FAM161A: variants seen among roughly 807,000 people sequenced by gnomAD.
The protein encoded by FAM161A is protein FAM161A.
A neutral mutation model predicts 70.9 loss-of-function variants in FAM161A; 57 were observed. The ratio of observed to expected loss-of-function variants is 0.80; its 90% CI spans 0.65 to 1.00. The LOEUF (loss-of-function observed/expected upper bound fraction) is 1.00. FAM161A is among the 50% of genes least tolerant of loss of function. The probability of loss-of-function intolerance (pLI) is 0.00; values close to 1 mark genes in which losing one functional copy is unlikely to be tolerated. For missense variants in FAM161A, 880 were observed against 836.0 expected (o/e 1.05, Z -0.65); for synonymous variants, 299 against 295.7 (o/e 1.01, Z -0.12).
Position 61,840,478 on chromosome 2 carries a change from C to T in FAM161A, c.526G>A (p.Glu176Lys). The T allele has an allele frequency of 6.2e-7, 1 of 1,614,060 alleles. No homozygotes were observed. Among genetic ancestry groups the T allele is most frequent in the Non-Finnish European group, 8.5e-7 (1 of 1,179,970 alleles). Reference protein sequence around the residue: ...SSSLYVSSSEEELPNLEKEYP... With the variant: ...SSSLYVSSSEKELPNLEKEYP... ...TCTTTTTCTAGGTTGGGTAACTCCT[C>T]TTCAGAGGAGGACACATACAAGGAG... Residue 176 changes from glutamate to lysine, a missense_variant, in exon 3 of 7, where the codon GAG becomes AAG. By Grantham distance (56) the Glu-to-Lys change is moderately conservative. Transcript: ENST00000404929.
chr2:61,811,073 A>T, the FAM161A span, among the ~76,000 whole-genome samples: 1 of 151,972 alleles, frequency 6.6e-6, no homozygotes, highest in Non-Finnish European at 1.5e-5. Context: ...TACACTCCAC[A>T]TTCAAATCCT....
rs184398136 is a variant in FAM161A, at chr2:61,837,178, T to C, written c.1752-1069A>G. Among the ~76,000 whole-genome samples the C allele has an allele frequency of 2.3e-3, 346 of 152,206 alleles. 1 individual carries two copies. Among genetic ancestry groups the C allele is most frequent in the African/African-American group, 8.0e-3 (332 of 41,536 alleles). On this transcript the variant is annotated intron_variant, in intron 4 of 6. Transcript: ENST00000404929. The stretch of plus-strand genomic sequence containing the variant: ...CCATGGCATCCAGCCTTTGCTGTTA[T>C]TTTTTTCCCCTAAATAAGATCTCCT...
In FAM161A at chr2:61,836,103, GCT is replaced by G. The variant is rs1672765457; in HGVS notation, c.1756_1757del (p.Ser586ArgfsTer27). On this transcript the variant is annotated frameshift_variant, in exon 5 of 7. Transcript: ENST00000404929. LOFTEE classifies it high-confidence loss of function. ...SKSRVKCLRK[S>X]EKERMREYQR... ...GGTATTCTCTCATCCTTTCCTTTTC[GCT>G]CTTTCTAAAATTAAAGAAAAGCAAT... 3 of 1,598,764 alleles carry G rather than the reference GCT, an allele frequency of 1.9e-6. No homozygotes were observed. Among genetic ancestry groups the G allele is most frequent in the Non-Finnish European group, 2.6e-6 (3 of 1,172,200 alleles).
intron 5 of FAM161A, among the ~76,000 whole-genome samples, chr2:61,830,045 A>G (rs900670615): frequency 6.6e-6 from 1 of 152,130 alleles, no homozygotes; most frequent in Admixed American, 6.5e-5. Flanking sequence ...GAAGTTAATG[A>G]GAAGACCCCT....
At chr2:61,804,567 C>G in the FAM161A span, among the ~76,000 whole-genome samples, 2 of 151,686 alleles carry the variant, frequency 1.3e-5, no homozygotes, top group African/African-American at 4.8e-5. Flanking sequence ...CACCTGTAAT[C>G]CCAACTACAT....
intron 3 of FAM161A, 149 bp from the exon 4 acceptor site, chr2:61,838,854 A>ATATT (rs10645430): frequency 0.17 from 26,196 of 150,878 alleles, 3,042 homozygotes; most frequent in Admixed American, 0.32. Context: ...AAAACTAGAA[A>ATATT]TATTTATTTA....
At chr2:61,842,770 A>G (rs1027761625) in intron 1 of FAM161A, among the ~76,000 whole-genome samples, 9 of 152,212 alleles carry the variant, frequency 5.9e-5, no homozygotes, top group East Asian at 1.9e-4. Flanking sequence ...CCACAGCCCA[A>G]TGCTCTCCCT....
the FAM161A span, among the ~76,000 whole-genome samples, chr2:61,816,256 T>C: frequency 6.6e-6 from 1 of 152,048 alleles, no homozygotes; most frequent in Non-Finnish European, 1.5e-5. Flanking sequence ...TGAACACACT[T>C]TTTTCACTTT....
chr2:61,850,098 G>C (rs1197643495), intron 1 of FAM161A, among the ~76,000 whole-genome samples: 1 of 151,980 alleles, frequency 6.6e-6, no homozygotes. Context: ...AAAATAACAG[G>C]TGAATTTAAA....
At chr2:61,810,555 T>C in the FAM161A span, among the ~76,000 whole-genome samples, 1,192 of 146,856 alleles carry the variant, frequency 8.1e-3, 13 homozygotes, top group African/African-American at 0.028. Context: ...GCCTTCTGGG[T>C]TCAAGCAATT....
chr2:61,845,583 G>A (rs1673174938), intron 1 of FAM161A, among the ~76,000 whole-genome samples: 1 of 152,156 alleles, frequency 6.6e-6, no homozygotes, highest in African/African-American at 2.4e-5. Flanking sequence ...AGCACTTTGG[G>A]AGGCTGCAGT....
Position 61,825,321 on chromosome 2 carries a change from A to G in FAM161A, c.*1134T>C, listed in dbSNP as rs1316447663. 4.4e-6 allele frequency: 2 copies of G among 454,256 alleles called. No homozygotes were observed. Among genetic ancestry groups the G allele is most frequent in the East Asian group, 1.4e-4 (2 of 14,540 alleles). The allele number at this position is 454,256 out of a possible 1,614,324, so 28.1% of individuals were successfully genotyped here. A position where few individuals can be genotyped will look rare whatever the true frequency, so the allele number is the denominator to read the frequency against. On this transcript the variant is annotated 3_prime_UTR_variant, in exon 7 of 7. Transcript: ENST00000404929. ...TAAAAAGTTGAACACAACTGGGTCT[A>G]GCAGTGAAGAGTTAAATCTGAATTA...
At position 61,834,756 on chromosome 2, in the gene FAM161A, G is replaced by A. The variant is rs548142753; in HGVS notation, c.1851+1254C>T. 1.1e-4 allele frequency among the ~76,000 whole-genome samples: 17 copies of A among 151,964 alleles called. No homozygotes were observed. In the South Asian group the frequency reaches 2.5e-3, roughly 22 times the overall value. On this transcript the variant is annotated intron_variant, in intron 5 of 6. Transcript: ENST00000404929. ...GGCTGGGATTACAGGTGTGAGCCAC[G>A]GCGCCTGGCATACCCTTGTAACAAA...
At position 61,842,280 on chromosome 2, in the gene FAM161A, A is replaced by G. The variant is rs1279265277; in HGVS notation, c.264T>C (p.Ile88=). The change falls in exon 2 of 7, where the codon ATT becomes ATC. Residue 88 remains isoleucine, a synonymous_variant. Transcript: ENST00000404929. ...TGAAATACTCCTCATTAGAGTGGTG[A>G]ATATCAGGAAAGTTCACAAAGTCCT... ...SYEDFVNFPD[I]HHSNEEYFKK... is the part of the protein sequence containing the mutation. The G allele has an allele frequency of 6.2e-7, 1 of 1,612,544 alleles. No individual in the cohort carries two copies. The highest frequency in any genetic ancestry group is 1.1e-5 in the South Asian group (1 of 90,954).
chr2:61,806,678 G>GTTTTTTT, the FAM161A span, among the ~76,000 whole-genome samples: 17 of 80,056 alleles, frequency 2.1e-4, no homozygotes, highest in South Asian at 3.8e-4. Flanking sequence ...TGCTTTCCAC[G>GTTTTTTT]TCTTTTTTTT....
At chr2:61,838,880 A>ATTTTT (rs1553354078) in intron 3 of FAM161A, among the ~76,000 whole-genome samples, 175 bp from the exon 4 acceptor site, 1 of 143,176 alleles carries the variant, frequency 7.0e-6, no homozygotes. Context: ...TTATTTATTT[A>ATTTTT]TTTATTTATT....
chr2:61,826,344 A>G lies in FAM161A; in HGVS notation c.*111T>C. The G allele has an allele frequency of 8.4e-7, 1 of 1,188,506 alleles. No homozygotes were observed. Among genetic ancestry groups the G allele is most frequent in the East Asian group, 2.5e-5 (1 of 39,932 alleles). 73.6% of individuals were successfully genotyped at this position (1,188,506 alleles called of 1,614,324 possible). On this transcript the variant is annotated 3_prime_UTR_variant, in exon 7 of 7. Transcript: ENST00000404929. Reference sequence around the variant, plus strand: ...CAGGCTACAGATGACTTTGATCAACAGCCCTGCACATATCAGAAGCGTCCC... The same window carrying G: ...CAGGCTACAGATGACTTTGATCAACGGCCCTGCACATATCAGAAGCGTCCC...
intron 5 of FAM161A, chr2:61,835,588 G>A (rs1304903041): frequency 6.2e-6 from 1 of 161,388 alleles, no homozygotes; most frequent in Non-Finnish European, 1.4e-5. Context: ...AACCAAGTTT[G>A]TACTGAAAAA....
At chr2:61,800,583 A>G in the FAM161A span, among the ~76,000 whole-genome samples, 2,087 of 152,298 alleles carry the variant, frequency 0.014, 40 homozygotes, top group African/African-American at 0.047. Flanking sequence ...GGAAGCACCA[A>G]CAAGCCACTG....
Sources: gnomAD v4.1 joint callset for allele counts (sites outside exome capture counted in the v4.1 genomes callset) on GRCh38, gnomAD v4.1.1 for gene constraint, MANE v1.5 for transcripts, NCBI Gene and HGNC (gene_info 2026-07-23, HGNC 2026-07-21) for gene names.